ASNSD1: variants seen among roughly 807,000 people sequenced by gnomAD.
ASNSD1 encodes asparagine synthetase domain-containing protein 1.
ASNSD1 carries 36 observed loss-of-function variants against 48.3 expected under a neutral mutation model. That is an observed-to-expected ratio of 0.75 (90% CI 0.57 to 0.99). The LOEUF (loss-of-function observed/expected upper bound fraction) is 0.99, where lower values mean the gene tolerates loss of function less well. ASNSD1 is among the 50% of genes least tolerant of loss of function. The pLI is 0.00. For synonymous variants in ASNSD1, 257 were observed against 262.1 expected (o/e 0.98, Z 0.19); for missense variants, 714 against 758.2 (o/e 0.94, Z 0.69).
At chr2:189,663,694 T>G (rs1250385126) in intron 1 of ASNSD1, among the ~76,000 whole-genome samples, 1 of 152,188 alleles carries the variant, frequency 6.6e-6, no homozygotes, top group Admixed American at 6.5e-5. Context: ...TAATCACTGT[T>G]TTTTCTCCTC....
At chr2:189,662,221 A>G (rs936968655) in intron 1 of ASNSD1, among the ~76,000 whole-genome samples, 3 of 152,188 alleles carry the variant, frequency 2.0e-5, no homozygotes, top group Admixed American at 1.3e-4. Context: ...ACTGGGGGAG[A>G]GAGGAAGCCA....
chr2:189,670,573 T>C lies in ASNSD1; in HGVS notation c.1779T>C (p.Leu593=). 6.2e-7 allele frequency: 1 copy of C among 1,614,148 alleles called. No homozygotes were observed. The highest frequency in any genetic ancestry group is 8.5e-7 in the Non-Finnish European group (1 of 1,179,994). ...LLRLAAVELG[L]TASALLPKRA... is the part of the protein sequence containing the mutation. ...GCCTTGCAGCTGTGGAACTTGGTCT[T>C]ACAGCCTCTGCTCTTCTGCCCAAAC... is the stretch of plus-strand genomic sequence containing the variant. The change falls in exon 6 of 6, where the codon CTT becomes CTC. Residue 593 remains leucine, a synonymous_variant. Coordinates refer to ENST00000260952, the MANE Select transcript of ASNSD1 (RefSeq NM_019048.4).
In ASNSD1 at chr2:189,667,481, G is replaced by C; in HGVS notation, c.1349G>C (p.Arg450Pro). Reference protein sequence around the residue: ...LRRTRICHLIRPLDTVLDDSI... With the variant: ...LRRTRICHLIPPLDTVLDDSI... Reference sequence around the variant, plus strand: ...AGAACTCGAATATGTCACTTAATTCGGCCATTGGATACAGTTTTGGATGAT... The same window carrying C: ...AGAACTCGAATATGTCACTTAATTCCGCCATTGGATACAGTTTTGGATGAT... Residue 450 changes from arginine (R) to proline (P), a missense_variant, in exon 4 of 6, where the codon CGG becomes CCG. By Grantham distance (103) the Arg-to-Pro change is moderately radical. Coordinates refer to ENST00000260952, the MANE Select transcript of ASNSD1 (RefSeq NM_019048.4). The C allele has an allele frequency of 6.2e-7, 1 of 1,614,094 alleles. No individual in the cohort carries two copies. The highest frequency in any genetic ancestry group is 8.5e-7 in the Non-Finnish European group (1 of 1,180,010).
At position 189,670,351 on chromosome 2, in the gene ASNSD1, T is replaced by A. The variant is rs561122622; in HGVS notation, c.1647-90T>A. On this transcript the variant is annotated intron_variant, in intron 5 of 5. Transcript: ENST00000260952. ...TAAAATTAGTCATGTTGTGAAACAA[T>A]TTGGTTAAATTTTAGCTATAAAACT... 4.4e-4 allele frequency: 471 copies of A among 1,073,906 alleles called. 7 individuals carry two copies. In the South Asian group the frequency reaches 7.4e-3, roughly 17 times the overall value. The allele number at this position is 1,073,906 out of a possible 1,614,324, so 66.5% of individuals were successfully genotyped here.
In ASNSD1 at chr2:189,666,860, C is replaced by T. The variant is rs1281124416; in HGVS notation, c.728C>T (p.Pro243Leu). 6.2e-7 allele frequency: 1 copy of T among 1,613,906 alleles called. No individual in the cohort carries two copies. The highest frequency in any genetic ancestry group is 1.3e-5 in the African/African-American group (1 of 74,908). ...CTGTATCTTGAAAAACCTGTTGTTC[C>T]TTTAAATATGATGTTGCCACAAGCT... Reference protein sequence around the residue: ...AKLYLEKPVVPLNMMLPQAAL... With the variant: ...AKLYLEKPVVLLNMMLPQAAL... The change falls in exon 4 of 6, where the codon CCT (proline) becomes CTT (leucine). Residue 243 changes from proline (P) to leucine (L), a missense_variant. Coordinates refer to ENST00000260952, the MANE Select transcript of ASNSD1 (RefSeq NM_019048.4).
chr2:189,669,163 A>C (rs2032873943), intron 5 of ASNSD1, among the ~76,000 whole-genome samples: 1 of 151,826 alleles, frequency 6.6e-6, no homozygotes, highest in African/African-American at 2.4e-5. Context: ...GTCTTTCTTA[A>C]GTTTCTGGTC....
Position 189,666,304 on chromosome 2 carries a change from G to A in ASNSD1, c.172G>A (p.Gly58Ser), listed in dbSNP as rs2032801963. The A allele has an allele frequency of 5.0e-6, 8 of 1,613,956 alleles. No homozygotes were observed. The East Asian group carries it at 1.8e-4, about 36-fold the overall frequency. ...TTCTGCTCACGTCCTACACTTGAGGGGTGTTTTGACTACCCAGCCTGTGGA... is the reference window on the plus strand; with the variant it reads ...TTCTGCTCACGTCCTACACTTGAGGAGTGTTTTGACTACCCAGCCTGTGGA... ...LFSAHVLHLRGVLTTQPVEDE... is the reference protein window; with the variant it reads ...LFSAHVLHLRSVLTTQPVEDE... Residue 58 changes from glycine (G) to serine (S), a missense_variant, in exon 4 of 6, where the codon GGT (glycine) becomes AGT (serine). Coordinates refer to ENST00000260952, the MANE Select transcript of ASNSD1 (RefSeq NM_019048.4).
At position 189,667,921 on chromosome 2, in the gene ASNSD1, T is replaced by C; in HGVS notation, c.1622T>C (p.Ile541Thr). 2.5e-6 allele frequency: 4 copies of C among 1,610,300 alleles called. No homozygotes were observed. Among genetic ancestry groups the C allele is most frequent in the Non-Finnish European group, 3.4e-6 (4 of 1,179,046 alleles). Residue 541 changes from isoleucine (I) to threonine (T), a missense_variant, in exon 5 of 6, where the codon ATT becomes ACT. Physicochemically the swap from Ile to Thr is moderately conservative, Grantham distance 89 (BLOSUM62 -1). Coordinates refer to ENST00000260952, the MANE Select transcript of ASNSD1 (RefSeq NM_019048.4). ...SRNLGRDDRV[I>T]GDHGKEARFP... ...AATCTTGGTCGTGATGACAGAGTTA[T>C]TGGTGATCATGGAAAAGAAGCAAGG...
rs369580581 is a variant in ASNSD1, at chr2:189,667,580, A to G, written c.1448A>G (p.Tyr483Cys). 59 of 1,608,794 alleles carry G rather than the reference A, an allele frequency of 3.7e-5. No homozygotes were observed. The highest frequency in any genetic ancestry group is 1.7e-4 in the Middle Eastern group (1 of 6,054). The change falls in exon 4 of 6, where the codon TAT (tyrosine) becomes TGT (cysteine). Residue 483 changes from tyrosine to cysteine, a missense_variant. Tyr to Cys is a radical substitution (Grantham distance 194). Coordinates refer to ENST00000260952, the MANE Select transcript of ASNSD1 (RefSeq NM_019048.4). ...GTGGCCCAGGAAGGAGTGAAATCCT[A>G]TCAGAGCAATGCAAAGGTATGACAC... is the stretch of plus-strand genomic sequence containing the variant. ...WLVAQEGVKS[Y>C]QSNAKVVLTG...
rs776349243 is a variant in ASNSD1 at position 189,667,189 on chromosome 2, A to C, written c.1057A>C (p.Asn353His). The part of the protein sequence containing the change: ...IPLDEPIDLL[N>H]VAFIAEEKTM... ...TTTAGATGAACCAATTGATCTTCTT[A>C]ATGTAGCTTTCATAGCTGAAGAAAA... The change falls in exon 4 of 6, where the codon AAT (asparagine) becomes CAT (histidine). Residue 353 changes from asparagine (N) to histidine (H), a missense_variant. Coordinates refer to ENST00000260952, the MANE Select transcript of ASNSD1 (RefSeq NM_019048.4). 1 of 1,614,196 alleles carries C rather than the reference A, an allele frequency of 6.2e-7. No individual in the cohort carries two copies. The highest frequency in any genetic ancestry group is 1.7e-5 in the Admixed American group (1 of 60,018).
Position 189,666,208 on chromosome 2 carries a change from A to C in ASNSD1, c.76A>C (p.Asn26His). 6.2e-7 allele frequency: 1 copy of C among 1,612,656 alleles called. No homozygotes were observed. The highest frequency in any genetic ancestry group is 8.5e-7 in the Non-Finnish European group (1 of 1,179,624). Residue 26 changes from asparagine (N) to histidine (H), a missense_variant, in exon 4 of 6, where the codon AAT (asparagine) becomes CAT (histidine). Coordinates refer to ENST00000260952, the MANE Select transcript of ASNSD1 (RefSeq NM_019048.4). ...SQDLKEDLLY[N>H]LKQRGPNSSK... ...AGATTTAAAAGAGGACTTACTATAT[A>C]ATCTTAAACAGCGGGGACCCAATAG...
rs1468658593 is a variant in ASNSD1 at position 189,665,424 on chromosome 2, C to T, written c.-120C>T. 5 of 397,132 alleles carry T rather than the reference C, an allele frequency of 1.3e-5. No individual in the cohort carries two copies. The highest frequency in any genetic ancestry group is 2.1e-5 in the African/African-American group (1 of 48,200). 24.6% of individuals were successfully genotyped at this position (397,132 alleles called of 1,614,324 possible). The stretch of plus-strand genomic sequence containing the variant: ...CAGCAATATATTCTTTCTTGCAGAC[C>T]GAACAGAAATGCTGTCTGAGAGCAA... On this transcript the variant is annotated 5_prime_UTR_variant, in exon 3 of 6. It introduces an in-frame stop codon into an upstream open reading frame of the 5' UTR. Coordinates refer to ENST00000260952, the MANE Select transcript of ASNSD1 (RefSeq NM_019048.4).
At chr2:189,662,123 G>A (rs1392587645) in intron 1 of ASNSD1, among the ~76,000 whole-genome samples, 1 of 152,160 alleles carries the variant, frequency 6.6e-6, no homozygotes, top group Non-Finnish European at 1.5e-5. Flanking sequence ...TTCCTAAGCG[G>A]TCTCTCCTCA....
intron 5 of ASNSD1, among the ~76,000 whole-genome samples, chr2:189,669,075 CTCTT>C (rs1214524236): frequency 2.0e-5 from 3 of 152,200 alleles, no homozygotes; most frequent in East Asian, 3.8e-4. Context: ...CTCTCTCTCT[CTCTT>C]TGACTTCATT....
rs1400332205 is a variant in ASNSD1, at chr2:189,666,013, TA to T, written c.-92-26del. 5.3e-6 allele frequency: 6 copies of T among 1,138,334 alleles called. No individual in the cohort carries two copies. The East Asian group carries it at 1.6e-4, about 30-fold the overall frequency. The allele number at this position is 1,138,334 out of a possible 1,614,324, so 70.5% of individuals were successfully genotyped here. On this transcript the variant is annotated intron_variant, in intron 3 of 5. Coordinates refer to ENST00000260952, the MANE Select transcript of ASNSD1 (RefSeq NM_019048.4). ...AAAGTCCAAGAATTTTTATGTTATT[TA>T]ATATTTATTCTCCTTCCCTGCAACA...
At chr2:189,664,904 A>T (rs893384676) in intron 2 of ASNSD1, among the ~76,000 whole-genome samples, 3 of 152,232 alleles carry the variant, frequency 2.0e-5, no homozygotes, top group Non-Finnish European at 4.4e-5. Flanking sequence ...GTGCACAAAG[A>T]TTTAGTTACA....
intron 3 of ASNSD1, 21 bp downstream of exon 3, chr2:189,665,472 G>A (rs1278168380): frequency 2.5e-6 from 1 of 395,926 alleles, no homozygotes; most frequent in Non-Finnish European, 4.4e-6. Flanking sequence ...TCTTTTTTGG[G>A]GTTTTTGGGG....
intron 3 of ASNSD1, among the ~76,000 whole-genome samples, 161 bp downstream of exon 3, chr2:189,665,612 A>ATATACATATATATATG (rs1559034436): frequency 3.0e-5 from 1 of 32,852 alleles, no homozygotes; most frequent in African/African-American, 7.3e-5. Flanking sequence ...ATATATATAT[A>ATATACATATATATATG]TATATATATA....
chr2:189,669,956 TA>T (rs2032892917), intron 5 of ASNSD1, among the ~76,000 whole-genome samples: 1 of 152,182 alleles, frequency 6.6e-6, no homozygotes. Flanking sequence ...TCCATATCCC[TA>T]AAGTGTCATT....
Sources: allele counts gnomAD v4.1 joint callset (sites outside exome capture counted in the v4.1 genomes callset), GRCh38; gene constraint gnomAD v4.1.1; transcripts MANE v1.5; gene names NCBI Gene and HGNC (gene_info 2026-07-23, HGNC 2026-07-21).